RAB10: variants seen among roughly 807,000 people sequenced by gnomAD.
RAB10 encodes the protein ras-related protein Rab-10.
Under a neutral mutation model 25.7 loss-of-function variants are expected in RAB10, and 5 were observed. The observed-to-expected ratio is 0.19, with a 90% confidence interval of 0.10 to 0.41. RAB10 has a LOEUF of 0.41. Ranked by LOEUF, RAB10 falls within the 10% of genes least tolerant of loss-of-function variation. The pLI, the probability that RAB10 is intolerant of heterozygous loss-of-function variation, is 1.00. For missense variants in RAB10, 103 were observed against 245.8 expected (o/e 0.42, Z 3.89); for synonymous variants, 89 against 86.4 (o/e 1.03, Z -0.16).
chr2:26,122,752 G>A (rs1667832384), intron 3 of RAB10, among the ~76,000 whole-genome samples: 1 of 152,168 alleles, frequency 6.6e-6, no homozygotes, highest in Admixed American at 6.5e-5. Context: ...GCAAAGAATG[G>A]TTTGATAATT....
At chr2:26,047,403 T>C (rs1402901425) in intron 1 of RAB10, among the ~76,000 whole-genome samples, 2 of 146,678 alleles carry the variant, frequency 1.4e-5, no homozygotes, top group Non-Finnish European at 3.0e-5. Flanking sequence ...GTATCATTTG[T>C]TTTGTTTGTT....
intron 1 of RAB10, among the ~76,000 whole-genome samples, chr2:26,095,427 GA>G (rs1667191634): frequency 6.6e-6 from 1 of 152,102 alleles, no homozygotes; most frequent in Admixed American, 6.6e-5. Flanking sequence ...CTAACACGGT[GA>G]AACCCCGTCT....
upstream of RAB10, among the ~76,000 whole-genome samples, chr2:26,033,540 G>C (rs937367933): frequency 2.0e-5 from 3 of 152,238 alleles, no homozygotes; most frequent in African/African-American, 7.2e-5. Flanking sequence ...GGGGCACGCC[G>C]GGAGGCGTCT....
intron 1 of RAB10, among the ~76,000 whole-genome samples, chr2:26,085,317 C>T (rs1046215494): frequency 5.3e-5 from 8 of 150,714 alleles, no homozygotes; most frequent in Non-Finnish European, 8.9e-5. Context: ...GGTAAAACCT[C>T]ATCTCTACTA....
At chr2:26,045,723 G>A (rs1665987426) in intron 1 of RAB10, among the ~76,000 whole-genome samples, 1 of 152,174 alleles carries the variant, frequency 6.6e-6, no homozygotes, top group South Asian at 2.1e-4. Flanking sequence ...AGTCATAAAG[G>A]AGGAGTTTCA....
intron 3 of RAB10, among the ~76,000 whole-genome samples, chr2:26,120,202 T>A (rs1283535994): frequency 6.6e-6 from 1 of 152,230 alleles, no homozygotes; most frequent in South Asian, 2.1e-4. Flanking sequence ...GTGGCTCTGG[T>A]AACTTGCAGT....
chr2:26,135,282 G>A lies in RAB10; in HGVS notation c.*261G>A, dbSNP rs1264264822. Reference sequence around the variant, plus strand: ...ACTTGCTCAGCTCAACTGCATTTCAGTTGTATTATAGTCCAGTTCTTATCA... The same window carrying A: ...ACTTGCTCAGCTCAACTGCATTTCAATTGTATTATAGTCCAGTTCTTATCA... On this transcript the variant is annotated 3_prime_UTR_variant, in exon 6 of 6. Transcript: ENST00000264710. 3 of 382,124 alleles carry A rather than the reference G, an allele frequency of 7.9e-6. No individual in the cohort carries two copies. The highest frequency in any genetic ancestry group is 1.4e-5 in the Non-Finnish European group (3 of 212,360). 23.7% of individuals were successfully genotyped at this position (382,124 alleles called of 1,614,324 possible). A position where few individuals can be genotyped will look rare whatever the true frequency, so the allele number is the denominator to read the frequency against.
intron 1 of RAB10, among the ~76,000 whole-genome samples, chr2:26,068,433 A>C (rs1478451104): frequency 6.6e-6 from 1 of 152,210 alleles, no homozygotes; most frequent in African/African-American, 2.4e-5. Context: ...GGAATTTTCT[A>C]ATTAAAGACT....
At chr2:26,109,666 A>G in intron 2 of RAB10, 102 bp from the exon 3 acceptor site, 1 of 1,201,880 alleles carries the variant, frequency 8.3e-7, no homozygotes, top group Middle Eastern at 2.1e-4. Context: ...TCAACTAAAA[A>G]GTTTTTATAT....
At chr2:26,102,467 C>T (rs1262414548) in intron 2 of RAB10, among the ~76,000 whole-genome samples, 1 of 125,292 alleles carries the variant, frequency 8.0e-6, no homozygotes, top group Non-Finnish European at 1.6e-5. Flanking sequence ...GAGACGGAGT[C>T]TCGCTCTGTC....
At chr2:26,056,508 G>C (rs1666270638) in intron 1 of RAB10, among the ~76,000 whole-genome samples, 1 of 152,168 alleles carries the variant, frequency 6.6e-6, no homozygotes, top group Non-Finnish European at 1.5e-5. Flanking sequence ...TTTGTTTTAA[G>C]ATGTAGAATT....
At chr2:26,080,924 CTGGCTGTTGATATGGTT>C (rs1313490972) in intron 1 of RAB10, among the ~76,000 whole-genome samples, 1 of 152,140 alleles carries the variant, frequency 6.6e-6, no homozygotes, top group South Asian at 2.1e-4. Context: ...TTGATATGGT[CTGGCTGTTGATATGGTT>C]TGGCTGTGTC....
intron 3 of RAB10, among the ~76,000 whole-genome samples, chr2:26,124,388 G>GTTTTTT (rs1559599431): frequency 2.3e-4 from 4 of 17,098 alleles, no homozygotes; most frequent in South Asian, 1.8e-3. Context: ...TGTTGTTGTT[G>GTTTTTT]CTTTTTTTTT....
At chr2:26,065,969 A>G (rs1339350169) in intron 1 of RAB10, among the ~76,000 whole-genome samples, 2 of 152,174 alleles carry the variant, frequency 1.3e-5, no homozygotes, top group Admixed American at 6.5e-5. Context: ...TACTTAACCA[A>G]TATTTGTATT....
intron 1 of RAB10, among the ~76,000 whole-genome samples, chr2:26,068,236 A>C (rs997869167): frequency 6.6e-6 from 1 of 152,054 alleles, no homozygotes. Flanking sequence ...TGTGTTGCAA[A>C]TGTGACTTGT....
At chr2:26,109,932 C>T (rs746617566) in intron 3 of RAB10, 26 bp downstream of exon 3, 5 of 1,536,882 alleles carry the variant, frequency 3.3e-6, no homozygotes, top group Non-Finnish European at 4.4e-6. Flanking sequence ...TGTATAAACC[C>T]TTCATGAACA....
At chr2:26,112,518 T>G (rs2149284767) in intron 3 of RAB10, among the ~76,000 whole-genome samples, 1 of 152,334 alleles carries the variant, frequency 6.6e-6, no homozygotes, top group East Asian at 1.9e-4. Flanking sequence ...TATATGTTTT[T>G]ATTATACCGC....
At chr2:26,054,003 CT>C (rs1666192230) in intron 1 of RAB10, among the ~76,000 whole-genome samples, 1 of 111,612 alleles carries the variant, frequency 9.0e-6, no homozygotes, top group Non-Finnish European at 1.9e-5. Flanking sequence ...CACCCGGCTT[CT>C]TTTTCTTTCT....
chr2:26,089,153 G>A (rs1368103552), intron 1 of RAB10, among the ~76,000 whole-genome samples: 1 of 151,990 alleles, frequency 6.6e-6, no homozygotes, highest in Non-Finnish European at 1.5e-5. Context: ...GGCCGGGCAC[G>A]ATGGCTCATG....
Sources: gnomAD v4.1 joint callset for allele counts (sites outside exome capture counted in the v4.1 genomes callset) on GRCh38, gnomAD v4.1.1 for gene constraint, MANE v1.5 for transcripts, NCBI Gene and HGNC (gene_info 2026-07-23, HGNC 2026-07-21) for gene names.